ZNF837: variants seen among roughly 807,000 people sequenced by gnomAD.
ZNF837 encodes zinc finger protein 837.
For missense variants in ZNF837, 955 were observed against 801.7 expected (o/e 1.19, Z -2.31); for synonymous variants, 475 against 365.2 (o/e 1.30, Z -3.43).
At chr19:58,376,554 C>CAAAAAAAAAAAAAAAAAAAAAAA (rs59075587) in intron 1 of ZNF837, among the ~76,000 whole-genome samples, 5 of 67,770 alleles carry the variant, frequency 7.4e-5, no homozygotes, top group South Asian at 7.6e-4. Flanking sequence ...GACTCTGTCT[C>CAAAAAAAAAAAAAAAAAAAAAAA]AAAAAAAAAA....
intron 2 of ZNF837, 28 bp downstream of exon 2, chr19:58,369,791 C>T (rs1359219677): frequency 6.5e-6 from 1 of 153,758 alleles, no homozygotes; most frequent in Non-Finnish European, 1.4e-5. Context: ...TTGTCCATGT[C>T]TTCTGAGAGG....
intron 1 of ZNF837, among the ~76,000 whole-genome samples, chr19:58,375,433 T>TTTTTG (rs570461413): frequency 5.3e-5 from 8 of 150,590 alleles, no homozygotes; most frequent in East Asian, 3.9e-4. Context: ...GATTTATATA[T>TTTTTG]TTTTGTTTTG....
chr19:58,367,835 C>G lies in ZNF837; in HGVS notation c.1498G>C (p.Glu500Gln). The change falls in exon 3 of 3, where the codon GAG becomes CAG. Residue 500 changes from glutamate to glutamine, a missense_variant. By Grantham distance (29) the Glu-to-Gln change is conservative (BLOSUM62 2). Coordinates refer to ENST00000597582, the MANE Select transcript of ZNF837 (RefSeq NM_138466.2). ...LVRHLRTHTG[E>Q]RPYACGDCGR... ...CAATCTCCGCACGCGTAGGGCCGCT[C>G]GCCCGTGTGCGTGCGCAGGTGGCGC... 1 of 1,535,952 alleles carries G rather than the reference C, an allele frequency of 6.5e-7. No homozygotes were observed. The highest frequency in any genetic ancestry group is 2.5e-5 in the East Asian group (1 of 40,768).
At chr19:58,376,987 G>A (rs1368967708) in intron 1 of ZNF837, among the ~76,000 whole-genome samples, 7 of 151,968 alleles carry the variant, frequency 4.6e-5, no homozygotes, top group Admixed American at 2.6e-4. Context: ...GGAGGCCAAG[G>A]TGGGTGGATC....
chr19:58,368,433 C>G lies in ZNF837; in HGVS notation c.900G>C (p.Glu300Asp), dbSNP rs1041077150. The change falls in exon 3 of 3, where the codon GAG becomes GAC. Residue 300 changes from glutamate to aspartate, a missense_variant. Coordinates refer to ENST00000597582, the MANE Select transcript of ZNF837 (RefSeq NM_138466.2). ...CGAAGGCCTTGCCGCACTCGGCGCA[C>G]TCGTAGGGCCGCTCGCCCGTGTGGA... ...QRIHTGERPY[E>D]CAECGKAFVR... is the part of the protein sequence containing the mutation. 1.9e-6 allele frequency: 3 copies of G among 1,557,686 alleles called. No homozygotes were observed. Among genetic ancestry groups the G allele is most frequent in the African/African-American group, 1.4e-5 (1 of 72,910 alleles).
chr19:58,369,343 A>G lies in ZNF837; in HGVS notation c.-11T>C, dbSNP rs574334204. ...GGCTGGAGCCTCCATCCTGGGGCGC[A>G]GAGTTCTGGTTGTAGGATCTGGAAG... On this transcript the variant is annotated 5_prime_UTR_variant, in exon 3 of 3. Transcript: ENST00000597582. The G allele has an allele frequency of 5.9e-3, 7,931 of 1,354,254 alleles. 37 individuals are homozygous for G. Among genetic ancestry groups the G allele is most frequent in the Non-Finnish European group, 6.9e-3 (7,288 of 1,058,298 alleles). 83.9% of individuals were successfully genotyped at this position (1,354,254 alleles called of 1,614,324 possible).
chr19:58,373,496 A>G (rs1212941408), intron 1 of ZNF837, among the ~76,000 whole-genome samples: 1 of 152,162 alleles, frequency 6.6e-6, no homozygotes, highest in Non-Finnish European at 1.5e-5. Context: ...TGTGAGAGAG[A>G]ATGGGCACTC....
intron 1 of ZNF837, among the ~76,000 whole-genome samples, chr19:58,376,588 A>AAAAAAAAAAAG (rs2052249327): frequency 8.2e-6 from 1 of 121,948 alleles, no homozygotes; most frequent in Non-Finnish European, 1.7e-5. Context: ...AAAAAAAAAA[A>AAAAAAAAAAAG]AAAGAAAGAA....
At position 58,368,744 on chromosome 19, in the gene ZNF837, G is replaced by A. The variant is rs1346205808; in HGVS notation, c.589C>T (p.Pro197Ser). Reference protein sequence around the residue: ...SRGRNPLVEQPRACACGEAFA... With the variant: ...SRGRNPLVEQSRACACGEAFA... ...GCCTCGCCGCACGCGCAAGCCCGGG[G>A]CTGCTCCACCAAGGGGTTCCTCCCG... The change falls in exon 3 of 3, where the codon CCC becomes TCC. Residue 197 changes from proline (P) to serine (S), a missense_variant. Coordinates refer to ENST00000597582, the MANE Select transcript of ZNF837 (RefSeq NM_138466.2). The A allele has an allele frequency of 3.9e-6, 6 of 1,538,848 alleles. No individual in the cohort carries two copies. Among genetic ancestry groups the A allele is most frequent in the African/African-American group, 1.4e-5 (1 of 73,022 alleles).
intron 1 of ZNF837, among the ~76,000 whole-genome samples, chr19:58,377,239 G>A (rs564079666): frequency 2.0e-5 from 3 of 146,572 alleles, no homozygotes; most frequent in Non-Finnish European, 4.5e-5. Context: ...AAGGCTGGGC[G>A]CAGTGGCTCA....
rs559341859 is a variant in ZNF837 at position 58,371,008 on chromosome 19, T to G, written c.-139-1080A>C. On this transcript the variant is annotated intron_variant, in intron 1 of 2. Coordinates refer to ENST00000597582, the MANE Select transcript of ZNF837 (RefSeq NM_138466.2). The stretch of plus-strand genomic sequence containing the variant: ...TGTAATCCCAGCACTTTGGGAGGCC[T>G]AGGTGGGCAGATCACGAGGTCAGGA... Among the ~76,000 whole-genome samples the G allele has an allele frequency of 4.6e-3, 703 of 151,238 alleles. 6 individuals are homozygous for G. The highest frequency in any genetic ancestry group is 0.016 in the African/African-American group (671 of 41,142).
At chr19:58,379,132 A>C (rs969665556) in intron 1 of ZNF837, among the ~76,000 whole-genome samples, 1 of 152,184 alleles carries the variant, frequency 6.6e-6, no homozygotes, top group African/African-American at 2.4e-5. Flanking sequence ...ATCCCTAGTG[A>C]TGGGGAGTCA....
Position 58,368,366 on chromosome 19 carries a change from C to A in ZNF837, c.967G>T (p.Ala323Ser). ...ACGGGGCCACGCCGGTGGCGCTCGGCCGAGTGCGTCTTCTGGTGGCGGTAC... is the reference window on the plus strand; with the variant it reads ...ACGGGGCCACGCCGGTGGCGCTCGGACGAGTGCGTCTTCTGGTGGCGGTAC... ...GLYRHQKTHS[A>S]ERHRRGPVLA... The change falls in exon 3 of 3, where the codon GCC becomes TCC. Residue 323 changes from alanine to serine, a missense_variant. By Grantham distance (99) the Ala-to-Ser change is moderately conservative. Coordinates refer to ENST00000597582, the MANE Select transcript of ZNF837 (RefSeq NM_138466.2). The A allele has an allele frequency of 6.5e-7, 1 of 1,531,542 alleles. No homozygotes were observed. Among genetic ancestry groups the A allele is most frequent in the Non-Finnish European group, 8.7e-7 (1 of 1,143,606 alleles). 94.9% of individuals were successfully genotyped at this position (1,531,542 alleles called of 1,614,324 possible). A position where few individuals can be genotyped will look rare whatever the true frequency, so the allele number is the denominator to read the frequency against.
Position 58,368,269 on chromosome 19 carries a change from C to T in ZNF837, c.1064G>A (p.Gly355Glu). 6 of 1,484,076 alleles carry T rather than the reference C, an allele frequency of 4.0e-6. No individual in the cohort carries two copies. The highest frequency in any genetic ancestry group is 5.3e-6 in the Non-Finnish European group (6 of 1,122,694). The allele number at this position is 1,484,076 out of a possible 1,614,324, so 91.9% of individuals were successfully genotyped here. A position where few individuals can be genotyped will look rare whatever the true frequency, so the allele number is the denominator to read the frequency against. Residue 355 changes from glycine (G) to glutamate (E), a missense_variant, in exon 3 of 3, where the codon GGG becomes GAG. By Grantham distance (98) the Gly-to-Glu change is moderately conservative (BLOSUM62 -2). Transcript: ENST00000597582. Reference sequence around the variant, plus strand: ...GTACGGCTTCTCCCCGGCTCCCGACCCCCGTCGGGGACTCCGCTCGCTGTA... The same window carrying T: ...GTACGGCTTCTCCCCGGCTCCCGACTCCCGTCGGGGACTCCGCTCGCTGTA... ...GDYSERSPRR[G>E]SGAGEKPYEC...
chr19:58,372,824 A>G (rs2052213359), intron 1 of ZNF837, among the ~76,000 whole-genome samples: 1 of 152,222 alleles, frequency 6.6e-6, no homozygotes. Flanking sequence ...AAAGACAAAA[A>G]TGCAGAGTTG....
chr19:58,377,479 C>CAA (rs34987835), intron 1 of ZNF837, among the ~76,000 whole-genome samples: 63 of 148,226 alleles, frequency 4.3e-4, no homozygotes, highest in African/African-American at 6.4e-4. Flanking sequence ...GACTCCATCT[C>CAA]AAAAAAAAAA....
chr19:58,375,312 A>AT (rs1491369524), intron 1 of ZNF837, among the ~76,000 whole-genome samples: 6,327 of 38,094 alleles, frequency 0.17, 877 homozygotes, highest in Non-Finnish European at 0.31. Context: ...ATATATATAT[A>AT]AAATTACATA....
In ZNF837 at chr19:58,369,015, C is replaced by G; in HGVS notation, c.318G>C (p.Glu106Asp). 1 of 1,515,016 alleles carries G rather than the reference C, an allele frequency of 6.6e-7. No individual in the cohort carries two copies. The highest frequency in any genetic ancestry group is 1.3e-5 in the South Asian group (1 of 79,052). 93.8% of individuals were successfully genotyped at this position (1,515,016 alleles called of 1,614,324 possible). ...AGGGGCCCTCCCGGGCTTGCAGCCC[C>G]TCGGGGATAACCAGCTCAGGGTTCT... is the stretch of plus-strand genomic sequence containing the variant. ...SSQNPELVIP[E>D]GLQAREGPCR... is the part of the protein sequence containing the mutation. The change falls in exon 3 of 3, where the codon GAG (glutamate) becomes GAC (aspartate). Residue 106 changes from glutamate (E) to aspartate (D), a missense_variant. Coordinates refer to ENST00000597582, the MANE Select transcript of ZNF837 (RefSeq NM_138466.2).
chr19:58,375,679 C>A (rs2052239255), intron 1 of ZNF837, among the ~76,000 whole-genome samples: 1 of 151,532 alleles, frequency 6.6e-6, no homozygotes. Flanking sequence ...AACTCCTGAC[C>A]TCATGATCCG....
Sources: allele counts gnomAD v4.1 joint callset (sites outside exome capture counted in the v4.1 genomes callset), GRCh38; gene constraint gnomAD v4.1.1; transcripts MANE v1.5; gene names NCBI Gene and HGNC (gene_info 2026-07-23, HGNC 2026-07-21).